Variants in DNM3 observed in about 807,000 individuals in gnomAD.
DNM3 encodes dynamin 3.
DNM3 carries 47 observed loss-of-function variants against 101.6 expected under a neutral mutation model. The ratio of observed to expected loss-of-function variants is 0.46; its 90% CI spans 0.37 to 0.59. DNM3 has a LOEUF of 0.59. Ranked by LOEUF, DNM3 falls within the 20% of genes least tolerant of loss-of-function variation. The pLI, the probability that DNM3 is intolerant of heterozygous loss-of-function variation, is 0.00. For synonymous variants in DNM3, 385 were observed against 387.9 expected (o/e 0.99, Z 0.09); for missense variants, 849 against 1,085.7 (o/e 0.78, Z 3.06).
At chr1:172,286,089 A>ATATATACC (rs2063689465) in intron 15 of DNM3, among the ~76,000 whole-genome samples, 1 of 130,266 alleles carries the variant, frequency 7.7e-6, no homozygotes, top group Non-Finnish European at 1.7e-5. Flanking sequence ...TATATATACT[A>ATATATACC]TTATCATTTA....
At chr1:172,025,620 T>A (rs2048150714) in intron 4 of DNM3, among the ~76,000 whole-genome samples, 1 of 152,160 alleles carries the variant, frequency 6.6e-6, no homozygotes, top group African/African-American at 2.4e-5. Flanking sequence ...GACAGCAGTC[T>A]TTGCTGTTCT....
intron 12 of DNM3, among the ~76,000 whole-genome samples, chr1:172,091,927 A>G (rs1372935730): frequency 6.6e-6 from 1 of 152,174 alleles, no homozygotes; most frequent in East Asian, 1.9e-4. Context: ...AAAGATGGTT[A>G]AATGTTAAAT....
intron 1 of DNM3, among the ~76,000 whole-genome samples, chr1:171,859,340 T>C (rs889459946): frequency 6.6e-6 from 1 of 152,184 alleles, no homozygotes. Flanking sequence ...GTATACATAA[T>C]TCTCTGAGCA....
At chr1:172,032,132 A>C (rs145251062) in intron 4 of DNM3, among the ~76,000 whole-genome samples, 1 of 150,444 alleles carries the variant, frequency 6.6e-6, no homozygotes, top group East Asian at 1.9e-4. Context: ...ACAAAAATAA[A>C]CTCTTATATT....
At chr1:171,988,247 A>G (rs1337225298) in intron 3 of DNM3, among the ~76,000 whole-genome samples, 1 of 152,176 alleles carries the variant, frequency 6.6e-6, no homozygotes, top group East Asian at 1.9e-4. Flanking sequence ...AAATTAGATA[A>G]CCAATCCATA....
intron 1 of DNM3, among the ~76,000 whole-genome samples, chr1:171,846,477 C>T (rs1161002647): frequency 1.3e-5 from 2 of 152,130 alleles, no homozygotes; most frequent in East Asian, 3.8e-4. Flanking sequence ...AGAGGGTAGG[C>T]TATTGGGTTC....
chr1:172,191,801 G>T (rs2059734468), intron 14 of DNM3, among the ~76,000 whole-genome samples: 1 of 152,150 alleles, frequency 6.6e-6, no homozygotes, highest in Non-Finnish European at 1.5e-5. Context: ...GTTCACTCAT[G>T]ATTTGGCTTT....
chr1:172,147,852 C>G (rs2057972712), intron 14 of DNM3, among the ~76,000 whole-genome samples: 1 of 152,110 alleles, frequency 6.6e-6, no homozygotes, highest in African/African-American at 2.4e-5. Context: ...TCTTCCCAAA[C>G]TAATGGTAAC....
intron 10 of DNM3, among the ~76,000 whole-genome samples, chr1:172,063,287 G>C (rs959079944): frequency 6.6e-6 from 1 of 151,956 alleles, no homozygotes; most frequent in Admixed American, 6.6e-5. Context: ...CTAGCATAGC[G>C]TAGATCTTAT....
intron 14 of DNM3, among the ~76,000 whole-genome samples, chr1:172,193,480 C>T (rs2059819248): frequency 6.6e-6 from 1 of 152,168 alleles, no homozygotes; most frequent in Non-Finnish European, 1.5e-5. Context: ...GCTGTGAATC[C>T]ATCTGGTCCT....
intron 15 of DNM3, among the ~76,000 whole-genome samples, chr1:172,259,811 T>G (rs2062567308): frequency 6.6e-6 from 1 of 152,050 alleles, no homozygotes; most frequent in African/African-American, 2.4e-5. Flanking sequence ...TTTATATCCT[T>G]TTTTCCTTTC....
chr1:171,907,926 ATATACT>A (rs960435123), intron 1 of DNM3, among the ~76,000 whole-genome samples: 35 of 152,246 alleles, frequency 2.3e-4, no homozygotes, highest in African/African-American at 3.6e-4. Context: ...CACCAAAAAC[ATATACT>A]TATAAGTAGA....
In DNM3 at chr1:171,845,439, A is replaced by T. The variant is rs114615252; in HGVS notation, c.161+3622A>T. ...ATGGTGGAGCATGCCTGTAGTGCCA[A>T]CTACTTGGGAGGCTGAGGTAGGAGG... On this transcript the variant is annotated intron_variant, in intron 1 of 20. Transcript: ENST00000627582. Among the ~76,000 whole-genome samples the T allele has an allele frequency of 2.1e-3, 321 of 152,284 alleles. 2 individuals carry two copies. The highest frequency in any genetic ancestry group is 7.3e-3 in the African/African-American group (303 of 41,564).
At position 172,410,437 on chromosome 1, in the gene DNM3, A is replaced by T. The variant is rs1382061514; in HGVS notation, c.*2596A>T. 3.0e-6 allele frequency: 3 copies of T among 985,006 alleles called. No homozygotes were observed. The highest frequency in any genetic ancestry group is 1.7e-5 in the African/African-American group (1 of 57,354). 61.0% of individuals were successfully genotyped at this position (985,006 alleles called of 1,614,324 possible). On this transcript the variant is annotated 3_prime_UTR_variant, in exon 21 of 21. Transcript: ENST00000627582. The stretch of plus-strand genomic sequence containing the variant: ...AGCTCTATCATGTCTAGCATAATTT[A>T]AAAAATCAGTGTTTTTAGGATTTGG...
chr1:172,227,427 C>T (rs969348455), intron 14 of DNM3, among the ~76,000 whole-genome samples: 1 of 151,480 alleles, frequency 6.6e-6, no homozygotes, highest in Non-Finnish European at 1.5e-5. Flanking sequence ...AGTAACTTCT[C>T]CTTTGGGTAG....
chr1:171,848,398 T>G (rs1456078870), intron 1 of DNM3, among the ~76,000 whole-genome samples: 1 of 152,144 alleles, frequency 6.6e-6, no homozygotes, highest in African/African-American at 2.4e-5. Flanking sequence ...AGTATACTCG[T>G]GAGTAAAGCG....
chr1:172,327,133 A>G lies in DNM3; in HGVS notation c.1893+3793A>G, dbSNP rs371267074. 4.6e-5 allele frequency among the ~76,000 whole-genome samples: 7 copies of G among 152,294 alleles called. 1 individual carries two copies. In the East Asian group the frequency reaches 7.7e-4, roughly 17 times the overall value. ...ATATTGGAGGGCCTTGATATTTAAG[A>G]AAAGAAGAATGAAAGGAAAATTAGA... is the stretch of plus-strand genomic sequence containing the variant. On this transcript the variant is annotated intron_variant, in intron 17 of 20. Transcript: ENST00000627582.
intron 1 of DNM3, among the ~76,000 whole-genome samples, chr1:171,871,943 A>ATT (rs66674481): frequency 1.3e-3 from 186 of 141,812 alleles, no homozygotes; most frequent in African/African-American, 4.5e-3. Flanking sequence ...AGAGGTAGTA[A>ATT]TTTTTTTTTT....
intron 2 of DNM3, among the ~76,000 whole-genome samples, chr1:171,958,489 T>G (rs1469497435): frequency 2.6e-5 from 4 of 152,288 alleles, no homozygotes; most frequent in Middle Eastern, 3.4e-3. Flanking sequence ...TGAGAAACAC[T>G]GTGAGGTTGC....
Sources: allele counts gnomAD v4.1 joint callset (sites outside exome capture counted in the v4.1 genomes callset), GRCh38; gene constraint gnomAD v4.1.1; transcripts MANE v1.5; gene names NCBI Gene and HGNC (gene_info 2026-07-23, HGNC 2026-07-21).